The following ADCY2 variants were observed in gnomAD, a reference collection of about 807,000 sequenced individuals.
The protein encoded by ADCY2 is adenylate cyclase 2.
In ADCY2, 31 loss-of-function variants were observed where a neutral mutation model predicts 125.2. The ratio of observed to expected loss-of-function variants is 0.25; its 90% CI spans 0.19 to 0.33. ADCY2 has a LOEUF of 0.33. Ranked by LOEUF, ADCY2 falls within the 10% of genes least tolerant of loss-of-function variation. The pLI, the probability that ADCY2 is intolerant of heterozygous loss-of-function variation, is 1.00. For synonymous variants in ADCY2, 512 were observed against 548.4 expected, an observed-to-expected ratio of 0.93 and a Z score of 0.93; for missense variants, 904 against 1,418.2, an observed-to-expected ratio of 0.64 and a Z score of 5.82.
At chr5:7,808,654 A>G (rs188813441) in intron 22 of ADCY2, among the ~76,000 whole-genome samples, 109 of 152,302 alleles carry the variant, frequency 7.2e-4, no homozygotes, top group African/African-American at 2.5e-3. Context: ...CCAGAGCTCC[A>G]CATGGCAGCC....
chr5:7,638,682 G>T (rs1738588694), intron 4 of ADCY2, among the ~76,000 whole-genome samples: 1 of 152,204 alleles, frequency 6.6e-6, no homozygotes, highest in Non-Finnish European at 1.5e-5. Flanking sequence ...AGCCACCAGA[G>T]AGTTGGATCC....
intron 22 of ADCY2, among the ~76,000 whole-genome samples, chr5:7,808,149 G>A (rs1744812599): frequency 6.6e-6 from 1 of 152,164 alleles, no homozygotes; most frequent in African/African-American, 2.4e-5. Flanking sequence ...CCCCAACCTG[G>A]GGAGCTTTGC....
At chr5:7,693,620 G>C (rs1740791345) in intron 5 of ADCY2, among the ~76,000 whole-genome samples, 1 of 151,904 alleles carries the variant, frequency 6.6e-6, no homozygotes, top group Non-Finnish European at 1.5e-5. Flanking sequence ...ATGGGGGTTC[G>C]CCATGTTGGC....
intron 1 of ADCY2, among the ~76,000 whole-genome samples, chr5:7,411,607 T>C (rs1379049955): frequency 6.6e-6 from 1 of 152,114 alleles, no homozygotes; most frequent in African/African-American, 2.4e-5. Flanking sequence ...TGATTAATGA[T>C]GGAGAAGTCA....
chr5:7,610,846 T>G (rs1300611105), intron 3 of ADCY2, among the ~76,000 whole-genome samples: 2 of 152,202 alleles, frequency 1.3e-5, no homozygotes, highest in Non-Finnish European at 2.9e-5. Flanking sequence ...TCTTGCAAAT[T>G]ATGGAATTTG....
Position 7,646,150 on chromosome 5 carries a change from C to T in ADCY2, c.720+19834C>T, listed in dbSNP as rs151117444. The stretch of plus-strand genomic sequence containing the variant: ...AAAAAAAACGTTGGAAGCAAAGAAA[C>T]GAGTAAAACTTGATTAAGACTAAAT... On this transcript the variant is annotated intron_variant, in intron 4 of 24. Coordinates refer to ENST00000338316, the MANE Select transcript of ADCY2 (RefSeq NM_020546.3). 3.3e-3 allele frequency among the ~76,000 whole-genome samples: 499 copies of T among 151,712 alleles called. 1 individual carries two copies. The highest frequency in any genetic ancestry group is 0.011 in the African/African-American group (457 of 41,374).
chr5:7,819,650 C>G (rs1198918328), intron 23 of ADCY2, among the ~76,000 whole-genome samples: 2 of 152,198 alleles, frequency 1.3e-5, no homozygotes, highest in African/African-American at 4.8e-5. Context: ...TTCTCCCTTT[C>G]CCCCGACCCT....
chr5:7,498,530 G>A (rs1743431309), intron 2 of ADCY2, among the ~76,000 whole-genome samples: 1 of 152,110 alleles, frequency 6.6e-6, no homozygotes, highest in Non-Finnish European at 1.5e-5. Flanking sequence ...TTACAGGCGT[G>A]AGCCACCGTG....
At position 7,512,726 on chromosome 5, in the gene ADCY2, GAA is replaced by G. The variant is rs553410542; in HGVS notation, c.409-8011_409-8010del. ...AATCCACTATGGTATATGAACATGGGAATTAGGAGTTCGACCTTAGAGCTGAG... is the reference window on the plus strand; with the variant it reads ...AATCCACTATGGTATATGAACATGGGTTAGGAGTTCGACCTTAGAGCTGAG... On this transcript the variant is annotated intron_variant, in intron 2 of 24. Transcript: ENST00000338316. Among the ~76,000 whole-genome samples, 44 of 152,268 alleles carry G rather than the reference GAA, an allele frequency of 2.9e-4. No homozygotes were observed. The East Asian group carries it at 8.3e-3, about 29-fold the overall frequency.
At chr5:7,650,673 T>C (rs1739057404) in intron 4 of ADCY2, among the ~76,000 whole-genome samples, 1 of 152,228 alleles carries the variant, frequency 6.6e-6, no homozygotes, top group Non-Finnish European at 1.5e-5. Flanking sequence ...TTGCTGCTGC[T>C]GTTTTTCTAA....
chr5:7,811,998 G>A (rs1010374558), intron 22 of ADCY2, among the ~76,000 whole-genome samples: 2 of 152,204 alleles, frequency 1.3e-5, no homozygotes, highest in African/African-American at 2.4e-5. Flanking sequence ...CAGTCTGGGA[G>A]TGAACCGGGA....
chr5:7,444,204 C>T (rs570727273), intron 2 of ADCY2, among the ~76,000 whole-genome samples: 1 of 151,110 alleles, frequency 6.6e-6, no homozygotes, highest in Non-Finnish European at 1.5e-5. Flanking sequence ...AGCTCCGCCT[C>T]CCGGGTTCAC....
In ADCY2 at chr5:7,612,053, C is replaced by T. The variant is rs574238692; in HGVS notation, c.571-14114C>T. On this transcript the variant is annotated intron_variant, in intron 3 of 24. Coordinates refer to ENST00000338316, the MANE Select transcript of ADCY2 (RefSeq NM_020546.3). Reference sequence around the variant, plus strand: ...ACTGAAAAGAGTTGTTGGCAATACACAGAGCTCTTAATCGAACGTTTTCTT... The same window carrying T: ...ACTGAAAAGAGTTGTTGGCAATACATAGAGCTCTTAATCGAACGTTTTCTT... 3.3e-5 allele frequency among the ~76,000 whole-genome samples: 5 copies of T among 152,284 alleles called. No individual in the cohort carries two copies. The South Asian group carries it at 8.3e-4, about 25-fold the overall frequency.
In ADCY2 at chr5:7,658,534, C is replaced by T. The variant is rs542540833; in HGVS notation, c.721-32157C>T. Among the ~76,000 whole-genome samples the T allele has an allele frequency of 3.7e-4, 56 of 152,018 alleles. No individual in the cohort carries two copies. In the South Asian group the frequency reaches 8.9e-3, roughly 24 times the overall value. On this transcript the variant is annotated intron_variant, in intron 4 of 24. Transcript: ENST00000338316. ...TTCTGGGTTCAAGCGATTCTCCTGCCTCAGCCTCCCGAGTAGCTGGGACTA... is the reference window on the plus strand; with the variant it reads ...TTCTGGGTTCAAGCGATTCTCCTGCTTCAGCCTCCCGAGTAGCTGGGACTA...
chr5:7,568,956 T>C (rs1579582601), intron 3 of ADCY2, among the ~76,000 whole-genome samples: 1 of 152,170 alleles, frequency 6.6e-6, no homozygotes. Flanking sequence ...AAACCTGCAG[T>C]GTCTGTACAT....
At chr5:7,627,018 C>T (rs559769631) in intron 4 of ADCY2, among the ~76,000 whole-genome samples, 8 of 152,256 alleles carry the variant, frequency 5.3e-5, no homozygotes, top group South Asian at 4.2e-4. Context: ...AAGAACAGTT[C>T]GTGAAAATGC....
At chr5:7,524,528 A>G (rs1488615340) in intron 3 of ADCY2, among the ~76,000 whole-genome samples, 1 of 152,204 alleles carries the variant, frequency 6.6e-6, no homozygotes, top group Non-Finnish European at 1.5e-5. Flanking sequence ...GGCATGACAC[A>G]TGGCAATGTG....
intron 12 of ADCY2, among the ~76,000 whole-genome samples, chr5:7,718,114 C>T (rs1435025653): frequency 1.3e-5 from 2 of 150,586 alleles, no homozygotes; most frequent in Non-Finnish European, 2.9e-5. Context: ...TCAAATAGTG[C>T]ATGGCTTTGC....
chr5:7,452,920 A>G (rs1393038483), intron 2 of ADCY2, among the ~76,000 whole-genome samples: 1 of 152,134 alleles, frequency 6.6e-6, no homozygotes, highest in African/African-American at 2.4e-5. Flanking sequence ...ATGTCTATTC[A>G]TGCCATTTGC....
Sources: gnomAD v4.1 joint callset for allele counts (sites outside exome capture counted in the v4.1 genomes callset) on GRCh38, gnomAD v4.1.1 for gene constraint, MANE v1.5 for transcripts, NCBI Gene and HGNC (gene_info 2026-07-23, HGNC 2026-07-21) for gene names.